SGCZ: variants seen among roughly 807,000 people sequenced by gnomAD.
SGCZ encodes the protein sarcoglycan zeta, also known as zeta-sarcoglycan.
SGCZ carries 40 observed loss-of-function variants against 41.3 expected under a neutral mutation model. The observed-to-expected ratio is 0.97, with a 90% CI of 0.75 to 1.26. SGCZ has a LOEUF of 1.26. Ranked by LOEUF, SGCZ falls within the 50% of genes most tolerant of loss-of-function variation. SGCZ has a pLI of 0.00. For synonymous variants in SGCZ, 206 were observed against 137.5 expected, an observed-to-expected ratio of 1.50 and a Z score of -3.49; for missense variants, 552 against 369.8, an observed-to-expected ratio of 1.49 and a Z score of -4.04.
In SGCZ at chr8:14,581,450, T is replaced by G. The variant is rs191095927; in HGVS notation, c.40-26524A>C. 2.8e-3 allele frequency among the ~76,000 whole-genome samples: 399 copies of G among 142,004 alleles called. 2 individuals carry two copies. The highest frequency in any genetic ancestry group is 0.01 in the African/African-American group (372 of 36,466). 93.2% of individuals were successfully genotyped at this position (142,004 alleles called of 152,430 possible). A position where few individuals can be genotyped will look rare whatever the true frequency, so the allele number is the denominator to read the frequency against. Reference sequence around the variant, plus strand: ...TGTTTTTTGTTTGTTTGTTTTTTTGTTTTTTTTTTTCCCCCACAGTGCTCA... The same window carrying G: ...TGTTTTTTGTTTGTTTGTTTTTTTGGTTTTTTTTTTCCCCCACAGTGCTCA... On this transcript the variant is annotated intron_variant, in intron 1 of 7. Coordinates refer to ENST00000382080, the MANE Select transcript of SGCZ (RefSeq NM_139167.4).
intron 1 of SGCZ, among the ~76,000 whole-genome samples, chr8:15,091,749 AT>A (rs1214397237): frequency 6.6e-6 from 1 of 152,080 alleles, no homozygotes; most frequent in Non-Finnish European, 1.5e-5. Context: ...CTCCTAATTT[AT>A]TTTTAATATT....
intron 1 of SGCZ, among the ~76,000 whole-genome samples, chr8:14,685,310 A>AAAGAAG (rs1808577295): frequency 1.3e-5 from 2 of 151,832 alleles, no homozygotes; most frequent in African/African-American, 4.8e-5. Context: ...TACAGAGTAA[A>AAAGAAG]AAAGATTAAA....
chr8:15,111,448 T>G (rs1807049122), intron 1 of SGCZ, among the ~76,000 whole-genome samples: 1 of 152,128 alleles, frequency 6.6e-6, no homozygotes, highest in African/African-American at 2.4e-5. Flanking sequence ...CCAATTCACT[T>G]GAGCCTCAAG....
chr8:14,136,278 G>C (rs1803194887), intron 5 of SGCZ, among the ~76,000 whole-genome samples: 1 of 152,100 alleles, frequency 6.6e-6, no homozygotes, highest in Non-Finnish European at 1.5e-5. Flanking sequence ...TGAGGTACCG[G>C]GTTAATCTCA....
At chr8:14,905,438 G>T (rs986665404) in intron 1 of SGCZ, among the ~76,000 whole-genome samples, 1 of 151,762 alleles carries the variant, frequency 6.6e-6, no homozygotes, top group Non-Finnish European at 1.5e-5. Context: ...TACTAAGTCC[G>T]AGAGAGAGAG....
chr8:14,879,878 T>C (rs1451182883), intron 1 of SGCZ: 1 of 152,024 alleles, frequency 6.6e-6, no homozygotes, highest in Admixed American at 6.6e-5. Flanking sequence ...CTCGCTCTTG[T>C]CGCCCAGGCT....
intron 1 of SGCZ, among the ~76,000 whole-genome samples, chr8:14,811,687 C>A (rs1305089176): frequency 6.6e-6 from 1 of 151,560 alleles, no homozygotes; most frequent in Non-Finnish European, 1.5e-5. Context: ...TCTCCTCTCC[C>A]CAAAAGCACA....
intron 2 of SGCZ, among the ~76,000 whole-genome samples, chr8:14,399,355 C>T (rs1290080696): frequency 6.6e-6 from 1 of 152,092 alleles, no homozygotes; most frequent in Non-Finnish European, 1.5e-5. Flanking sequence ...ATCTGACAGG[C>T]CTGGGCATCC....
intron 2 of SGCZ, among the ~76,000 whole-genome samples, chr8:14,338,818 A>G (rs553207085): frequency 6.6e-6 from 1 of 152,222 alleles, no homozygotes; most frequent in South Asian, 2.1e-4. Flanking sequence ...GATGCTACAA[A>G]TGTGTATGTA....
chr8:14,973,778 G>C (rs553271522), intron 1 of SGCZ, among the ~76,000 whole-genome samples: 8 of 152,278 alleles, frequency 5.3e-5, no homozygotes, highest in African/African-American at 1.9e-4. Context: ...TTGGTAACAA[G>C]TCCTCTTTAT....
At chr8:14,375,115 C>A (rs749061861) in intron 2 of SGCZ, among the ~76,000 whole-genome samples, 2 of 100,612 alleles carry the variant, frequency 2.0e-5, no homozygotes, top group East Asian at 2.3e-4. Context: ...GATAGATAGA[C>A]AGACAGACAG....
chr8:14,312,063 T>A (rs1267781596), intron 3 of SGCZ, among the ~76,000 whole-genome samples: 2 of 151,860 alleles, frequency 1.3e-5, no homozygotes, highest in Non-Finnish European at 2.9e-5. Flanking sequence ...GTGGGGACAA[T>A]GTTTTTTTGA....
At chr8:14,498,973 G>C (rs957228521) in intron 2 of SGCZ, among the ~76,000 whole-genome samples, 1 of 151,604 alleles carries the variant, frequency 6.6e-6, no homozygotes, top group Admixed American at 6.6e-5. Context: ...GAATGGTCCA[G>C]TTATGCTAGA....
chr8:14,478,780 T>C (rs1052466570), intron 2 of SGCZ, among the ~76,000 whole-genome samples: 3 of 152,170 alleles, frequency 2.0e-5, no homozygotes, highest in Non-Finnish European at 4.4e-5. Context: ...TTTTTCAGAG[T>C]AACAGTTCTT....
intron 1 of SGCZ, among the ~76,000 whole-genome samples, chr8:15,090,490 G>A (rs1268747352): frequency 2.0e-5 from 3 of 152,130 alleles, no homozygotes; most frequent in Admixed American, 6.6e-5. Flanking sequence ...CTGCCCATAG[G>A]GCTGCACCCA....
At chr8:14,821,314 G>C (rs1030246579) in intron 1 of SGCZ, among the ~76,000 whole-genome samples, 5 of 151,866 alleles carry the variant, frequency 3.3e-5, no homozygotes, top group African/African-American at 1.2e-4. Flanking sequence ...AGAGGTAATT[G>C]AGTCAGTAAT....
intron 3 of SGCZ, among the ~76,000 whole-genome samples, chr8:14,272,610 G>A (rs1800099982): frequency 6.6e-6 from 1 of 152,166 alleles, no homozygotes; most frequent in South Asian, 2.1e-4. Flanking sequence ...GCTAACTGCT[G>A]TATGGTACCT....
chr8:14,754,299 C>T (rs887081138), intron 1 of SGCZ, among the ~76,000 whole-genome samples: 1 of 152,198 alleles, frequency 6.6e-6, no homozygotes, highest in Admixed American at 6.5e-5. Flanking sequence ...GATTAACCTA[C>T]TTAGAATTGC....
intron 5 of SGCZ, among the ~76,000 whole-genome samples, chr8:14,122,049 C>G (rs1328243938): frequency 1.3e-5 from 2 of 152,094 alleles, no homozygotes; most frequent in Admixed American, 6.5e-5. Flanking sequence ...GAGGCCGAGG[C>G]GGGCAGATCC....
Sources: gnomAD v4.1 joint callset for allele counts (sites outside exome capture counted in the v4.1 genomes callset) on GRCh38, gnomAD v4.1.1 for gene constraint, MANE v1.5 for transcripts, NCBI Gene and HGNC (gene_info 2026-07-23, HGNC 2026-07-21) for gene names.